The following ATP9B variants were observed in gnomAD, a reference collection of about 807,000 sequenced individuals.
ATP9B encodes ATPase phospholipid transporting 9B.
ATP9B carries 110 observed loss-of-function variants against 146.1 expected under a neutral mutation model. That is an observed-to-expected ratio of 0.75 (90% confidence interval 0.65 to 0.88). The LOEUF is 0.88. ATP9B is among the 40% of genes least tolerant of loss of function. The pLI, the probability that ATP9B is intolerant of heterozygous loss-of-function variation, is 0.00. For missense variants in ATP9B, 1,499 were observed against 1,496.4 expected (o/e 1.00, Z -0.03); for synonymous variants, 604 against 569.7 (o/e 1.06, Z -0.86).
intron 26 of ATP9B, 200 bp from the exon 27 acceptor site, chr18:79,372,625 G>A (rs1302236485): frequency 1.3e-5 from 9 of 670,996 alleles, no homozygotes; most frequent in Middle Eastern, 2.4e-4. Flanking sequence ...CAGTGGACAC[G>A]TGTGGGACCC....
chr18:79,375,744 C>G, intron 29 of ATP9B: 1 of 985,398 alleles, frequency 1.0e-6, no homozygotes, highest in Non-Finnish European at 1.2e-6. Flanking sequence ...GAAAACACTT[C>G]CAGGGTCTTC....
At chr18:79,200,234 T>C (rs1321455546) in intron 9 of ATP9B, among the ~76,000 whole-genome samples, 1 of 152,222 alleles carries the variant, frequency 6.6e-6, no homozygotes. Flanking sequence ...TGTTATACTT[T>C]GATGGGGCTA....
At chr18:79,345,641 AG>A in intron 22 of ATP9B, 69 bp downstream of exon 22, 1 of 1,596,286 alleles carries the variant, frequency 6.3e-7, no homozygotes, top group Non-Finnish European at 8.5e-7. Flanking sequence ...TGATGGGCAA[AG>A]TTTGTTCCAT....
chr18:79,335,222 C>T (rs1024046995), intron 17 of ATP9B, among the ~76,000 whole-genome samples: 3 of 152,198 alleles, frequency 2.0e-5, no homozygotes, highest in Admixed American at 6.5e-5. Flanking sequence ...ACCTGACCCT[C>T]GTTCATGTAA....
At chr18:79,253,843 T>C (rs1422108464) in intron 12 of ATP9B, 2 of 237,954 alleles carry the variant, frequency 8.4e-6, no homozygotes, top group Non-Finnish European at 1.6e-5. Flanking sequence ...AAAATTAGTT[T>C]TGTTTTTTGC....
At chr18:79,313,956 C>T (rs1034069145) in intron 15 of ATP9B, among the ~76,000 whole-genome samples, 1 of 152,204 alleles carries the variant, frequency 6.6e-6, no homozygotes, top group African/African-American at 2.4e-5. Flanking sequence ...TCAGGAAAAT[C>T]ATCTAAATGG....
intron 25 of ATP9B, among the ~76,000 whole-genome samples, chr18:79,349,802 C>A (rs1179722034): frequency 1.3e-5 from 2 of 152,076 alleles, no homozygotes; most frequent in African/African-American, 4.8e-5. Context: ...TCTTCAGGTC[C>A]TCTCTGTCCT....
At chr18:79,375,948 T>A (rs1192057906) in intron 29 of ATP9B, 1 of 985,244 alleles carries the variant, frequency 1.0e-6, no homozygotes, top group Non-Finnish European at 1.2e-6. Flanking sequence ...CTGCCTCTTT[T>A]CATGCGGAAT....
At chr18:79,201,653 C>T (rs1006347537) in intron 9 of ATP9B, among the ~76,000 whole-genome samples, 1 of 152,196 alleles carries the variant, frequency 6.6e-6, no homozygotes, top group Admixed American at 6.5e-5. Context: ...TCACTGTAGC[C>T]TGTGCCTCCT....
chr18:79,166,344 G>A (rs993958575), intron 7 of ATP9B, among the ~76,000 whole-genome samples: 5 of 152,118 alleles, frequency 3.3e-5, no homozygotes, highest in African/African-American at 1.2e-4. Flanking sequence ...AATGGGACTC[G>A]GAGCAAATGT....
chr18:79,089,833 G>A (rs1384763896), intron 1 of ATP9B, among the ~76,000 whole-genome samples: 1 of 151,984 alleles, frequency 6.6e-6, no homozygotes, highest in Non-Finnish European at 1.5e-5. Flanking sequence ...AATTATAGTT[G>A]CCTTGTTGTG....
rs201574295 is a variant in ATP9B at position 79,334,783 on chromosome 18, A to AC, written c.2029-1837dup. 3.0e-4 allele frequency among the ~76,000 whole-genome samples: 24 copies of AC among 80,004 alleles called. No homozygotes were observed. The South Asian group carries it at 3.8e-3, about 13-fold the overall frequency. 52.5% of individuals were successfully genotyped at this position (80,004 alleles called of 152,430 possible). On this transcript the variant is annotated intron_variant, in intron 17 of 29. Transcript: ENST00000426216. ...CCCTCCCACATCTGCCCAGACGCCCACCCCCCCCTTGTGCCGGATAGGAGA... is the reference window on the plus strand; with the variant it reads ...CCCTCCCACATCTGCCCAGACGCCCACCCCCCCCCTTGTGCCGGATAGGAGA...
chr18:79,209,535 C>G, intron 10 of ATP9B: 1 of 402,906 alleles, frequency 2.5e-6, no homozygotes, highest in Non-Finnish European at 3.4e-6. Context: ...AAAGTTTTCT[C>G]TCCTGACCTC....
At chr18:79,229,363 A>C (rs771420903) in intron 11 of ATP9B, among the ~76,000 whole-genome samples, 7 of 152,296 alleles carry the variant, frequency 4.6e-5, no homozygotes, top group Non-Finnish European at 8.8e-5. Context: ...TCATTCAGGC[A>C]ACAGTTTTCT....
At chr18:79,290,229 C>T (rs2096488226) in intron 13 of ATP9B, among the ~76,000 whole-genome samples, 1 of 152,248 alleles carries the variant, frequency 6.6e-6, no homozygotes, top group Non-Finnish European at 1.5e-5. Context: ...GTGGAGCCTA[C>T]AGAGGCAGGC....
chr18:79,256,286 T>TATATATATATATACAC (rs398033647), intron 12 of ATP9B, among the ~76,000 whole-genome samples: 2 of 123,074 alleles, frequency 1.6e-5, no homozygotes, highest in African/African-American at 6.5e-5. Context: ...TATATATATA[T>TATATATATATATACAC]ACATACATAG....
intron 9 of ATP9B, among the ~76,000 whole-genome samples, chr18:79,199,448 T>C (rs963105782): frequency 1.3e-5 from 2 of 152,182 alleles, no homozygotes; most frequent in Admixed American, 6.5e-5. Flanking sequence ...AATTTTACTT[T>C]TTAAACTTTT....
chr18:79,338,224 G>A (rs962601745), intron 19 of ATP9B, among the ~76,000 whole-genome samples: 1 of 152,220 alleles, frequency 6.6e-6, no homozygotes, highest in African/African-American at 2.4e-5. Context: ...CCCAGTGGAA[G>A]CTGCTTCTCA....
chr18:79,189,699 C>T (rs1217438292), intron 8 of ATP9B, among the ~76,000 whole-genome samples: 1 of 152,242 alleles, frequency 6.6e-6, no homozygotes, highest in Non-Finnish European at 1.5e-5. Flanking sequence ...AAGTTGACAT[C>T]ACCTGTTTAC....
Sources: gnomAD v4.1 joint callset for allele counts (sites outside exome capture counted in the v4.1 genomes callset) on GRCh38, gnomAD v4.1.1 for gene constraint, MANE v1.5 for transcripts, NCBI Gene and HGNC (gene_info 2026-07-23, HGNC 2026-07-21) for gene names.